The following CNOT10 variants were observed in gnomAD, a reference collection of about 807,000 sequenced individuals.
CNOT10 encodes the protein CCR4-NOT transcription complex subunit 10.
Under a neutral mutation model 94.6 loss-of-function variants are expected in CNOT10, and 30 were observed. That is an observed-to-expected ratio of 0.32 (90% CI 0.24 to 0.43). The LOEUF (loss-of-function observed/expected upper bound fraction) is 0.43, where lower values mean the gene tolerates loss of function less well. Ranked by LOEUF, CNOT10 falls within the 20% of genes least tolerant of loss-of-function variation. CNOT10 has a pLI of 1.00. For synonymous variants in CNOT10, 289 were observed against 301.6 expected (o/e 0.96, Z 0.43); for missense variants, 759 against 877.2 (o/e 0.87, Z 1.70).
At chr3:32,708,931 G>A in intron 4 of CNOT10, 111 bp downstream of exon 4, 1 of 801,732 alleles carries the variant, frequency 1.2e-6, no homozygotes, top group Non-Finnish European at 1.9e-6. Context: ...AGTATTCAAA[G>A]AAAAGCCGTA....
chr3:32,733,382 C>G, intron 10 of CNOT10, 41 bp from the exon 11 acceptor site: 1 of 1,446,316 alleles, frequency 6.9e-7, no homozygotes, highest in Non-Finnish European at 9.4e-7. Flanking sequence ...CCACATCTTA[C>G]AATTCCCTTA....
At chr3:32,685,720 C>G (rs1261491227) in intron 1 of CNOT10, among the ~76,000 whole-genome samples, 1 of 152,188 alleles carries the variant, frequency 6.6e-6, no homozygotes, top group African/African-American at 2.4e-5. Context: ...CTTTGCCCTG[C>G]TCTTCAGAAT....
intron 1 of CNOT10, among the ~76,000 whole-genome samples, chr3:32,702,356 G>A (rs920385848): frequency 6.8e-6 from 1 of 147,714 alleles, no homozygotes; most frequent in African/African-American, 2.5e-5. Context: ...TGGTTCAGCT[G>A]AGATTTTTAC....
chr3:32,764,962 C>T (rs550780698), intron 17 of CNOT10, 153 bp downstream of exon 17: 3 of 1,512,154 alleles, frequency 2.0e-6, no homozygotes, highest in South Asian at 2.5e-5. Flanking sequence ...GCAAGGTAAA[C>T]AACTAATCAG....
chr3:32,736,018 A>G lies in CNOT10; in HGVS notation c.1514+1042A>G, dbSNP rs904511975. Among the ~76,000 whole-genome samples the G allele has an allele frequency of 2.0e-5, 3 of 152,102 alleles. No homozygotes were observed. In the East Asian group the frequency reaches 5.8e-4, roughly 29 times the overall value. ...TTTTGGTAAGGACAAAACACATACC[A>G]TTATATATAGGGAATTCAGCTTTTT... is the stretch of plus-strand genomic sequence containing the variant. On this transcript the variant is annotated intron_variant, in intron 12 of 18. Transcript: ENST00000328834.
At chr3:32,705,190 ATAGAC>A (rs980398552) in intron 3 of CNOT10, among the ~76,000 whole-genome samples, 1 of 152,176 alleles carries the variant, frequency 6.6e-6, no homozygotes, top group African/African-American at 2.4e-5. Flanking sequence ...CTTGAACAGA[ATAGAC>A]TAATATACCA....
chr3:32,729,077 CAGAG>C (rs955752755), intron 10 of CNOT10, among the ~76,000 whole-genome samples: 1 of 152,122 alleles, frequency 6.6e-6, no homozygotes, highest in South Asian at 2.1e-4. Flanking sequence ...GCCTGGGTGA[CAGAG>C]AGACTCTGTC....
chr3:32,716,557 A>G (rs189890842), intron 6 of CNOT10, among the ~76,000 whole-genome samples: 34 of 152,352 alleles, frequency 2.2e-4, no homozygotes, highest in Non-Finnish European at 1.2e-4. Context: ...AATGTACTGC[A>G]TGATAAAATC....
At chr3:32,738,216 C>T (rs1411249977) in intron 13 of CNOT10, among the ~76,000 whole-genome samples, 1 of 152,074 alleles carries the variant, frequency 6.6e-6, no homozygotes, top group Non-Finnish European at 1.5e-5. Flanking sequence ...GAAAAAATAA[C>T]TATTGGGTAC....
chr3:32,752,610 G>C (rs1700012026), intron 13 of CNOT10, among the ~76,000 whole-genome samples: 1 of 152,144 alleles, frequency 6.6e-6, no homozygotes, highest in South Asian at 2.1e-4. Flanking sequence ...TTTTTGCACA[G>C]AACTGTTATT....
chr3:32,706,825 A>C (rs1697645930), intron 3 of CNOT10, among the ~76,000 whole-genome samples: 1 of 152,238 alleles, frequency 6.6e-6, no homozygotes, highest in South Asian at 2.1e-4. Context: ...TCTTTAAGAT[A>C]GTGACTTGAT....
rs776719613 is a variant in CNOT10, at chr3:32,720,243, T to C, written c.862+12T>C. On this transcript the variant is annotated intron_variant, in intron 8 of 18. Coordinates refer to ENST00000328834, the MANE Select transcript of CNOT10 (RefSeq NM_015442.3). ...ATTCATGAAAACAGGTAAAAGAAAA[T>C]TGTGAAATTTTAACTTTTTTTTGCC... 2.8e-6 allele frequency: 4 copies of C among 1,431,470 alleles called. No individual in the cohort carries two copies. The African/African-American group carries it at 4.2e-5, about 15-fold the overall frequency. The allele number at this position is 1,431,470 out of a possible 1,614,324, so 88.7% of individuals were successfully genotyped here. A position where few individuals can be genotyped will look rare whatever the true frequency, so the allele number is the denominator to read the frequency against.
At chr3:32,733,288 T>G in intron 10 of CNOT10, 135 bp from the exon 11 acceptor site, 1 of 615,934 alleles carries the variant, frequency 1.6e-6, no homozygotes, top group Non-Finnish European at 2.7e-6. Flanking sequence ...CATGTTTCCA[T>G]TATCACCAAA....
chr3:32,732,592 G>GA (rs368930309), intron 10 of CNOT10, among the ~76,000 whole-genome samples: 36 of 137,740 alleles, frequency 2.6e-4, no homozygotes, highest in African/African-American at 8.6e-4. Flanking sequence ...TCTTAAAAAA[G>GA]AAAAAAAAGA....
At chr3:32,750,502 A>G (rs918447054) in intron 13 of CNOT10, among the ~76,000 whole-genome samples, 1 of 152,132 alleles carries the variant, frequency 6.6e-6, no homozygotes, top group Non-Finnish European at 1.5e-5. Context: ...AAAAACAAAA[A>G]AGAGTAAAGA....
intron 13 of CNOT10, among the ~76,000 whole-genome samples, chr3:32,756,001 T>C (rs1472550984): frequency 6.6e-6 from 1 of 152,152 alleles, no homozygotes; most frequent in Non-Finnish European, 1.5e-5. Context: ...GGGGACAATA[T>C]TTTAAGTAGT....
chr3:32,713,753 G>A (rs917936405), intron 5 of CNOT10, among the ~76,000 whole-genome samples: 5 of 152,048 alleles, frequency 3.3e-5, no homozygotes, highest in Non-Finnish European at 5.9e-5. Context: ...CATAATATGC[G>A]GCTATTTGTC....
intron 13 of CNOT10, among the ~76,000 whole-genome samples, chr3:32,742,756 C>T (rs975819624): frequency 6.6e-6 from 1 of 152,190 alleles, no homozygotes; most frequent in African/African-American, 2.4e-5. Context: ...ACCTTTGTTT[C>T]ACTCTTTCTC....
At chr3:32,749,355 A>G (rs1389162692) in intron 13 of CNOT10, among the ~76,000 whole-genome samples, 1 of 151,654 alleles carries the variant, frequency 6.6e-6, no homozygotes, top group Non-Finnish European at 1.5e-5. Flanking sequence ...TTCCTATAAG[A>G]ATTCTAAGTT....
Sources: gnomAD v4.1 joint callset for allele counts (sites outside exome capture counted in the v4.1 genomes callset) on GRCh38, gnomAD v4.1.1 for gene constraint, MANE v1.5 for transcripts, NCBI Gene and HGNC (gene_info 2026-07-23, HGNC 2026-07-21) for gene names.